The following ME2 variants were observed in gnomAD, a reference collection of about 807,000 sequenced individuals.
ME2 encodes malic enzyme 2.
ME2 carries 60 observed loss-of-function variants against 73.7 expected under a neutral mutation model. The ratio of observed to expected loss-of-function variants is 0.81; its 90% CI spans 0.66 to 1.01. The LOEUF (loss-of-function observed/expected upper bound fraction) is 1.01. ME2 is among the 50% of genes least tolerant of loss of function. The probability of loss-of-function intolerance (pLI) is 0.00; values close to 1 mark genes in which losing one functional copy is unlikely to be tolerated. For synonymous variants in ME2, 199 were observed against 236.9 expected (o/e 0.84, Z 1.47); for missense variants, 594 against 705.5 (o/e 0.84, Z 1.79).
chr18:50,908,804 C>A (rs1917077918), intron 3 of ME2, among the ~76,000 whole-genome samples: 1 of 151,942 alleles, frequency 6.6e-6, no homozygotes, highest in Non-Finnish European at 1.5e-5. Flanking sequence ...CCATGCCTGG[C>A]TAATTTTTTT....
At chr18:50,931,687 T>G (rs1917693563) in intron 12 of ME2, among the ~76,000 whole-genome samples, 1 of 151,928 alleles carries the variant, frequency 6.6e-6, no homozygotes, top group Non-Finnish European at 1.5e-5. Flanking sequence ...TTTTTCTTTT[T>G]TTTTTGAGAT....
At chr18:50,901,342 A>T (rs1193417509) in intron 2 of ME2, among the ~76,000 whole-genome samples, 2 of 152,214 alleles carry the variant, frequency 1.3e-5, no homozygotes, top group Non-Finnish European at 2.9e-5. Flanking sequence ...GATTTGTATT[A>T]AAGAGTTGTT....
chr18:50,890,821 A>G (rs1411575474), intron 1 of ME2, among the ~76,000 whole-genome samples: 1 of 152,216 alleles, frequency 6.6e-6, no homozygotes, highest in South Asian at 2.1e-4. Flanking sequence ...TTTAATTGCT[A>G]TGTACCAGGT....
intron 12 of ME2, among the ~76,000 whole-genome samples, chr18:50,929,531 C>T (rs1053629891): frequency 4.6e-5 from 7 of 150,836 alleles, no homozygotes; most frequent in African/African-American, 1.7e-4. Flanking sequence ...TATGTTGACA[C>T]ATGTATTCTC....
chr18:50,927,721 C>CATACAT (rs1555678359), intron 12 of ME2, among the ~76,000 whole-genome samples: 1 of 85,434 alleles, frequency 1.2e-5, no homozygotes, highest in Non-Finnish European at 2.1e-5. Flanking sequence ...CCCAAAAAAC[C>CATACAT]ATATATATAT....
chr18:50,904,645 T>C (rs2144211515), intron 2 of ME2, among the ~76,000 whole-genome samples: 1 of 152,260 alleles, frequency 6.6e-6, no homozygotes, highest in South Asian at 2.1e-4. Context: ...CTCAAACTCC[T>C]GACCTCAGGT....
chr18:50,898,579 G>A (rs368276138), intron 2 of ME2, among the ~76,000 whole-genome samples: 2 of 152,016 alleles, frequency 1.3e-5, no homozygotes, highest in Non-Finnish European at 2.9e-5. Context: ...CTACAGGCAC[G>A]TGCCACTACA....
chr18:50,945,570 C>G (rs1377092002), intron 15 of ME2, among the ~76,000 whole-genome samples: 1 of 152,172 alleles, frequency 6.6e-6, no homozygotes, highest in Non-Finnish European at 1.5e-5. Context: ...AACACATTTT[C>G]TATCACAAAA....
intron 12 of ME2, among the ~76,000 whole-genome samples, chr18:50,931,484 G>A (rs1309302145): frequency 1.3e-5 from 2 of 152,168 alleles, no homozygotes; most frequent in African/African-American, 4.8e-5. Context: ...AGATGATGAT[G>A]AAGTTTTCAT....
intron 1 of ME2, among the ~76,000 whole-genome samples, chr18:50,880,830 A>G (rs944578353): frequency 5.9e-5 from 9 of 152,230 alleles, no homozygotes; most frequent in Admixed American, 1.3e-4. Context: ...AGAACTGCTT[A>G]TGGGTGACAC....
At chr18:50,882,336 C>T (rs537208863) in intron 1 of ME2, among the ~76,000 whole-genome samples, 14 of 152,316 alleles carry the variant, frequency 9.2e-5, no homozygotes, top group Non-Finnish European at 1.5e-4. Flanking sequence ...CCTTTGACCA[C>T]TCTGCTAGAC....
At chr18:50,938,509 A>G (rs1022172579) in intron 13 of ME2, among the ~76,000 whole-genome samples, 12 of 152,208 alleles carry the variant, frequency 7.9e-5, no homozygotes, top group African/African-American at 2.9e-4. Context: ...ACCTAGACAA[A>G]CTATCAAATA....
At chr18:50,932,410 A>G (rs1917718371) in intron 13 of ME2, 50 bp downstream of exon 13, 1 of 1,411,326 alleles carries the variant, frequency 7.1e-7, no homozygotes, top group Non-Finnish European at 1.0e-6. Context: ...ATTATGTAAA[A>G]ATACTTAATG....
At chr18:50,905,576 T>A (rs1019933647) in intron 2 of ME2, among the ~76,000 whole-genome samples, 1 of 152,206 alleles carries the variant, frequency 6.6e-6, no homozygotes, top group Non-Finnish European at 1.5e-5. Flanking sequence ...TTTGTACATT[T>A]TAGAGACACA....
At chr18:50,932,995 A>C (rs776443449) in intron 13 of ME2, 2 of 152,244 alleles carry the variant, frequency 1.3e-5, no homozygotes, top group Admixed American at 6.5e-5. Flanking sequence ...GTATCACACC[A>C]AAGGAAATTA....
At chr18:50,936,983 T>G (rs916096301) in intron 13 of ME2, among the ~76,000 whole-genome samples, 2 of 152,074 alleles carry the variant, frequency 1.3e-5, no homozygotes, top group African/African-American at 2.4e-5. Flanking sequence ...GATATAAATT[T>G]TAGGATAACC....
intron 13 of ME2, chr18:50,933,947 G>A (rs1917758663): frequency 6.6e-6 from 1 of 152,120 alleles, no homozygotes; most frequent in Non-Finnish European, 1.5e-5. Flanking sequence ...AGTTCACTTA[G>A]GATAATAGCC....
Position 50,940,322 on chromosome 18 carries a change from C to A in ME2, c.1523C>A (p.Ala508Asp). Residue 508 changes from alanine to aspartate, a missense_variant, in exon 15 of 16, where the codon GCC (alanine) becomes GAC (aspartate). By Grantham distance (126) the Ala-to-Asp change is moderately radical. Transcript: ENST00000321341. ...AGCCAATTGACAGATGAAGAGCTAG[C>A]CCAAGGGAGACTTTACCCACCGCTT... is the stretch of plus-strand genomic sequence containing the variant. ...LTSQLTDEEL[A>D]QGRLYPPLAN... The A allele has an allele frequency of 6.2e-7, 1 of 1,611,048 alleles. No homozygotes were observed. Among genetic ancestry groups the A allele is most frequent in the Non-Finnish European group, 8.5e-7 (1 of 1,179,354 alleles).
intron 2 of ME2, among the ~76,000 whole-genome samples, chr18:50,906,083 C>G (rs1035610413): frequency 2.0e-5 from 3 of 151,878 alleles, no homozygotes; most frequent in African/African-American, 7.3e-5. Context: ...CTCATACTTT[C>G]CTTTAGTTCT....
Sources: allele counts gnomAD v4.1 joint callset (sites outside exome capture counted in the v4.1 genomes callset), GRCh38; gene constraint gnomAD v4.1.1; transcripts MANE v1.5; gene names NCBI Gene and HGNC (gene_info 2026-07-23, HGNC 2026-07-21).